The following CDHR5 variants were observed in gnomAD, a reference collection of about 807,000 sequenced individuals.
The protein encoded by CDHR5 is cadherin-related family member 5.
In CDHR5, 82 loss-of-function variants were observed where a neutral mutation model predicts 69.5. The ratio of observed to expected loss-of-function variants is 1.18; its 90% CI spans 0.99 to 1.42. CDHR5 has a LOEUF of 1.42. Ranked by LOEUF, CDHR5 falls within the 40% of genes most tolerant of loss-of-function variation. The pLI is 0.00. For synonymous variants in CDHR5, 601 were observed against 510.2 expected, an observed-to-expected ratio of 1.18 and a Z score of -2.40; for missense variants, 1,293 against 1,168.9, an observed-to-expected ratio of 1.11 and a Z score of -1.55.
At chr11:620,720 G>A (rs1175122008) in intron 7 of CDHR5, among the ~76,000 whole-genome samples, 1 of 152,152 alleles carries the variant, frequency 6.6e-6, no homozygotes, top group Admixed American at 6.5e-5. Flanking sequence ...GTGGCCCCAG[G>A]TGCCTTGGTG....
chr11:621,673 G>T lies in CDHR5; in HGVS notation c.406-10C>A. On this transcript the variant is annotated splice_polypyrimidine_tract_variant and intron_variant, in intron 4 of 14. Transcript: ENST00000397542. This position sits in a 1 kb window ranked among gnomAD's most constrained non-coding sequence, Gnocchi z 4.4. The stretch of plus-strand genomic sequence containing the variant: ...AGTTCACTTTCGTGTCCTGGGGAGG[G>T]AGAGGGGCTTGGTCCGGCCACACTC... 1 of 1,604,828 alleles carries T rather than the reference G, an allele frequency of 6.2e-7. No homozygotes were observed. Among genetic ancestry groups the T allele is most frequent in the Non-Finnish European group, 8.5e-7 (1 of 1,171,872 alleles).
chr11:620,992 C>T, intron 7 of CDHR5, 88 bp downstream of exon 7: 1 of 970,590 alleles, frequency 1.0e-6, no homozygotes, highest in Non-Finnish European at 1.5e-6. Context: ...GACCCCGACC[C>T]CGCCCTTCCT....
chr11:617,447 A>T lies in CDHR5; in HGVS notation c.2442T>A (p.Asp814Glu). ...CGCCGCTGCCGGAGTCACTGGCGCC[A>T]TCCACGTCCAGGGTGGGCGCGTTGA... ...VVLNAPTLDV[D>E]GASDSGSGDE... is the part of the protein sequence containing the mutation. Residue 814 changes from aspartate (D) to glutamate (E), a missense_variant, in exon 15 of 15, where the codon GAT becomes GAA. Asp to Glu is a conservative substitution (Grantham distance 45). Transcript: ENST00000397542. The T allele has an allele frequency of 6.2e-7, 1 of 1,612,342 alleles. No individual in the cohort carries two copies.
chr11:618,063 G>GC lies in CDHR5; in HGVS notation c.2008dup (p.Ala670GlyfsTer45). The GC allele has an allele frequency of 6.2e-7, 1 of 1,610,514 alleles. No homozygotes were observed. Among genetic ancestry groups the GC allele is most frequent in the Non-Finnish European group, 8.5e-7 (1 of 1,179,140 alleles). On this transcript the variant is annotated frameshift_variant, in exon 14 of 15. Transcript: ENST00000397542. LOFTEE classifies it high-confidence loss of function. Reference sequence around the variant, plus strand: ...CAGCGCACCCAGCACCCCGCCCAGGGCCGCCATATCCACCACCGAGAAGCG... The same window carrying GC: ...CAGCGCACCCAGCACCCCGCCCAGGGCCCGCCATATCCACCACCGAGAAGCG...
At chr11:623,224 G>A (rs112264197) in intron 3 of CDHR5, among the ~76,000 whole-genome samples, 8,256 of 152,170 alleles carry the variant, frequency 0.054, 276 homozygotes, top group Middle Eastern at 0.1. Context: ...CAGGAGAATC[G>A]CTTGGACCCG....
chr11:617,602 C>CG lies in CDHR5; in HGVS notation c.2286dup (p.Ala763ArgfsTer56). ...GGGCTTCCGCCAGCTCGGGCCGCTG[C>CG]GGGGGGCTCAGGGGCACCGCCTGGG... is the stretch of plus-strand genomic sequence containing the variant. On this transcript the variant is annotated frameshift_variant, in exon 15 of 15. Coordinates refer to ENST00000397542, the MANE Select transcript of CDHR5 (RefSeq NM_021924.5). LOFTEE classifies it low-confidence loss of function (END_TRUNC). The CG allele has an allele frequency of 1.2e-6, 2 of 1,605,762 alleles. No individual in the cohort carries two copies. The highest frequency in any genetic ancestry group is 1.7e-6 in the Non-Finnish European group (2 of 1,176,532).
rs746033707 is a variant in CDHR5 at position 617,947 on chromosome 11, G to A, written c.2118+7C>T. 4 of 1,609,306 alleles carry A rather than the reference G, an allele frequency of 2.5e-6. No individual in the cohort carries two copies. The highest frequency in any genetic ancestry group is 3.4e-6 in the Non-Finnish European group (4 of 1,178,922). On this transcript the variant is annotated splice_region_variant and intron_variant, in intron 14 of 14. Coordinates refer to ENST00000397542, the MANE Select transcript of CDHR5 (RefSeq NM_021924.5). ...TCGCCTGCCCTGTTCTCCATCCTGG[G>A]CCTCACCGGAGCTTTGCCACAGCAG...
Position 621,085 on chromosome 11 carries a change from T to C in CDHR5, c.784A>G (p.Ile262Val). ...QYHGAVPTGH[I>V]LPSPLVLRPG... ...TGCCCCTCCCTCCCCATTACCAGTA[T>C]GTGCCCCGTGGGGACAGCCCCGTGG... Residue 262 changes from isoleucine (I) to valine (V), a missense_variant, in exon 7 of 15, where the codon ATA (isoleucine) becomes GTA (valine). Coordinates refer to ENST00000397542, the MANE Select transcript of CDHR5 (RefSeq NM_021924.5). The surrounding 1 kb of genome is among the most constrained non-coding windows in gnomAD (Gnocchi z 4.4). The C allele has an allele frequency of 6.5e-7, 1 of 1,534,138 alleles. No individual in the cohort carries two copies. Among genetic ancestry groups the C allele is most frequent in the Non-Finnish European group, 8.8e-7 (1 of 1,138,452 alleles).
Position 617,089 on chromosome 11 carries a change from G to C in CDHR5, c.*262C>G. ...TGGCACAGAGCCTCGGGAAGGCGGC[G>C]GGCACTGCAGGTGGTTTACGGGAAG... On this transcript the variant is annotated 3_prime_UTR_variant, in exon 15 of 15. Transcript: ENST00000397542. The C allele has an allele frequency of 1.9e-6, 1 of 521,098 alleles. No homozygotes were observed. The highest frequency in any genetic ancestry group is 3.4e-6 in the Non-Finnish European group (1 of 294,792). 32.3% of individuals were successfully genotyped at this position (521,098 alleles called of 1,614,324 possible).
rs376432351 is a variant in CDHR5, at chr11:624,784, C to T, written c.85+34G>A. 36 of 1,604,722 alleles carry T rather than the reference C, an allele frequency of 2.2e-5. No homozygotes were observed. Among genetic ancestry groups the T allele is most frequent in the South Asian group, 9.9e-5 (9 of 90,566 alleles). On this transcript the variant is annotated intron_variant, in intron 1 of 14. Transcript: ENST00000397542. The surrounding 1 kb of genome is among the most constrained non-coding windows in gnomAD (Gnocchi z 5.3). ...TGCCTCCCAGCCCCTGGCTCCCCGC[C>T]GCCCGTGCCCCACCTACCCCTGCCC...
chr11:623,472 C>T (rs547585982), intron 3 of CDHR5, among the ~76,000 whole-genome samples: 33 of 152,232 alleles, frequency 2.2e-4, no homozygotes, highest in African/African-American at 6.7e-4. Flanking sequence ...AAAATGCCGC[C>T]GGTCAAGAAG....
In CDHR5 at chr11:621,204, G is replaced by A; in HGVS notation, c.665C>T (p.Thr222Ile). 6.2e-7 allele frequency: 1 copy of A among 1,601,630 alleles called. No homozygotes were observed. The highest frequency in any genetic ancestry group is 2.2e-5 in the East Asian group (1 of 44,780). Residue 222 changes from threonine (T) to isoleucine (I), a missense_variant, in exon 7 of 15, where the codon ACA becomes ATA. Physicochemically the swap from Thr to Ile is moderately conservative, Grantham distance 89. Coordinates refer to ENST00000397542, the MANE Select transcript of CDHR5 (RefSeq NM_021924.5). The surrounding 1 kb of genome is among the most constrained non-coding windows in gnomAD (Gnocchi z 4.4). ...GGCGGGCACCACGTTCAGCACTAGT[G>A]TGGCGGTGGCAGTGTGGCTGGGTTC... ...NVEPSHTATA[T>I]LVLNVVPADL...
In CDHR5 at chr11:621,327, C is replaced by G; in HGVS notation, c.618+18G>C. ...GGCCTCAAGTGTGTGGGACTCGGGGCTGGGGTGACCTGCTCACCCGCACCA... is the reference window on the plus strand; with the variant it reads ...GGCCTCAAGTGTGTGGGACTCGGGGGTGGGGTGACCTGCTCACCCGCACCA... On this transcript the variant is annotated intron_variant, in intron 6 of 14. Transcript: ENST00000397542. The surrounding 1 kb of genome is among the most constrained non-coding windows in gnomAD (Gnocchi z 4.4). 1 of 1,612,166 alleles carries G rather than the reference C, an allele frequency of 6.2e-7. No individual in the cohort carries two copies. Among genetic ancestry groups the G allele is most frequent in the Non-Finnish European group, 8.5e-7 (1 of 1,179,210 alleles).
At position 621,052 on chromosome 11, in the gene CDHR5, C is replaced by T. The variant is rs56741140; in HGVS notation, c.789+28G>A. On this transcript the variant is annotated intron_variant, in intron 7 of 14. Coordinates refer to ENST00000397542, the MANE Select transcript of CDHR5 (RefSeq NM_021924.5). This position sits in a 1 kb window ranked among gnomAD's most constrained non-coding sequence, Gnocchi z 4.4. ...TCCAGCCTGCCTAGAAGGCCCTGCC[C>T]CGTGCACTGCCCCTCCCTCCCCATT... The T allele has an allele frequency of 0.047, 71,159 of 1,505,576 alleles. 2,230 individuals carry two copies. Among genetic ancestry groups the T allele is most frequent in the African/African-American group, 0.14 (10,234 of 71,686 alleles). 93.3% of individuals were successfully genotyped at this position (1,505,576 alleles called of 1,614,324 possible).
At position 621,347 on chromosome 11, in the gene CDHR5, G is replaced by A. The variant is rs199934184; in HGVS notation, c.616C>T (p.Arg206Trp). 95 of 1,612,580 alleles carry A rather than the reference G, an allele frequency of 5.9e-5. No homozygotes were observed. The highest frequency in any genetic ancestry group is 7.3e-5 in the Non-Finnish European group (86 of 1,179,500). Residue 206 changes from arginine (R) to tryptophan (W), a missense_variant and splice_region_variant, in exon 6 of 15, where the codon CGG becomes TGG. By Grantham distance (101) the Arg-to-Trp change is moderately radical. Transcript: ENST00000397542. The surrounding 1 kb of genome is among the most constrained non-coding windows in gnomAD (Gnocchi z 4.4). The part of the protein sequence containing the change: ...RPNMTFWLLV[R>W]DTPGENVEPS... ...CGGGGCTGGGGTGACCTGCTCACCC[G>A]CACCAGCAGCCAGAAGGTCATGTTC...
At chr11:617,924 G>T in intron 14 of CDHR5, 30 bp downstream of exon 14, 1 of 1,599,980 alleles carries the variant, frequency 6.3e-7, no homozygotes. Context: ...CTGCCTGGTC[G>T]CCTGCCCTGT....
rs750886772 is a variant in CDHR5, at chr11:617,431, C to CGGA, written c.2455_2457dup (p.Ser819dup). On this transcript the variant is annotated inframe_insertion, in exon 15 of 15. Coordinates refer to ENST00000397542, the MANE Select transcript of CDHR5 (RefSeq NM_021924.5). ...GCGCCCTCGCCCTCATCGCCGCTGC[C>CGGA]GGAGTCACTGGCGCCATCCACGTCC... 6.2e-7 allele frequency: 1 copy of CGGA among 1,612,306 alleles called. No individual in the cohort carries two copies. Among genetic ancestry groups the CGGA allele is most frequent in the Non-Finnish European group, 8.5e-7 (1 of 1,179,598 alleles).
Position 624,759 on chromosome 11 carries a change from TGCCTCCCAGCCCCTGGCTCCCC to T in CDHR5, c.85+37_86-28del. ...TGTAAGGTTGCAGAGGAGGGATCAG[TGCCTCCCAGCCCCTGGCTCCCC>T]GCCGCCCGTGCCCCACCTACCCCTG... On this transcript the variant is annotated intron_variant, in intron 1 of 14. Coordinates refer to ENST00000397542, the MANE Select transcript of CDHR5 (RefSeq NM_021924.5). The surrounding 1 kb of genome is among the most constrained non-coding windows in gnomAD (Gnocchi z 5.3). 1 of 1,603,892 alleles carries T rather than the reference TGCCTCCCAGCCCCTGGCTCCCC, an allele frequency of 6.2e-7. No individual in the cohort carries two copies. The highest frequency in any genetic ancestry group is 8.5e-7 in the Non-Finnish European group (1 of 1,173,432).
rs1287885807 is a variant in CDHR5, at chr11:621,964, C to G, written c.313-60G>C. ...CCTCCCCGTTGTGAGGTGCACCCCT[C>G]GACGGCTATCCGTCCCCACCGTGAG... On this transcript the variant is annotated intron_variant, in intron 3 of 14. Transcript: ENST00000397542. The surrounding 1 kb of genome is among the most constrained non-coding windows in gnomAD (Gnocchi z 4.4). The G allele has an allele frequency of 3.0e-6, 4 of 1,350,862 alleles. No individual in the cohort carries two copies. Among genetic ancestry groups the G allele is most frequent in the Non-Finnish European group, 4.2e-6 (4 of 961,200 alleles). 83.7% of individuals were successfully genotyped at this position (1,350,862 alleles called of 1,614,324 possible). A position where few individuals can be genotyped will look rare whatever the true frequency, so the allele number is the denominator to read the frequency against.
Sources: gnomAD v4.1 joint callset for allele counts (sites outside exome capture counted in the v4.1 genomes callset) on GRCh38, gnomAD v4.1.1 for gene constraint, Gnocchi (gnomAD v3.1) non-coding constraint, MANE v1.5 for transcripts, NCBI Gene and HGNC (gene_info 2026-07-23, HGNC 2026-07-21) for gene names.